The following AP2B1 variants were observed in gnomAD, a reference collection of about 807,000 sequenced individuals.
AP2B1 encodes adaptor related protein complex 2 subunit beta 1.
In AP2B1, 23 loss-of-function variants were observed where a neutral mutation model predicts 102.0. The ratio of observed to expected loss-of-function variants is 0.23; its 90% CI spans 0.16 to 0.32. The LOEUF (loss-of-function observed/expected upper bound fraction) is 0.32, where lower values mean the gene tolerates loss of function less well. AP2B1 is among the 10% of genes least tolerant of loss of function. The probability of loss-of-function intolerance (pLI) is 1.00; values close to 1 mark genes in which losing one functional copy is unlikely to be tolerated. For synonymous variants in AP2B1, 381 were observed against 421.2 expected, an observed-to-expected ratio of 0.90 and a Z score of 1.17; for missense variants, 541 against 1,157.4, an observed-to-expected ratio of 0.47 and a Z score of 7.73.
intron 9 of AP2B1, among the ~76,000 whole-genome samples, chr17:35,628,410 T>C (rs1433382536): frequency 1.3e-5 from 2 of 152,124 alleles, no homozygotes; most frequent in Non-Finnish European, 2.9e-5. Context: ...GAGACCACCC[T>C]AGGCAACATA....
In AP2B1 at chr17:35,723,743, A is replaced by G; in HGVS notation, c.*44A>G. The G allele has an allele frequency of 1.5e-6, 2 of 1,374,342 alleles. No homozygotes were observed. The highest frequency in any genetic ancestry group is 2.1e-6 in the Non-Finnish European group (2 of 963,296). 85.1% of individuals were successfully genotyped at this position (1,374,342 alleles called of 1,614,324 possible). A position where few individuals can be genotyped will look rare whatever the true frequency, so the allele number is the denominator to read the frequency against. On this transcript the variant is annotated 3_prime_UTR_variant, in exon 22 of 22. Transcript: ENST00000610402. ...CTTCAACCATGCTGTGATCGGTGCA[A>G]GTCAAGAACTCTTAACTGGAAGAAA...
intron 6 of AP2B1, among the ~76,000 whole-genome samples, chr17:35,626,391 T>C (rs1212779866): frequency 6.6e-6 from 1 of 152,078 alleles, no homozygotes; most frequent in Non-Finnish European, 1.5e-5. Context: ...ACATCCCTTA[T>C]TACTGGTTTC....
At chr17:35,654,136 A>G (rs999210205) in intron 13 of AP2B1, among the ~76,000 whole-genome samples, 20 of 151,436 alleles carry the variant, frequency 1.3e-4, no homozygotes, top group Non-Finnish European at 2.7e-4. Flanking sequence ...ACCTTGGCTC[A>G]CTGCAAGCTC....
At chr17:35,695,731 A>G (rs919007506) in intron 18 of AP2B1, among the ~76,000 whole-genome samples, 15 of 152,182 alleles carry the variant, frequency 9.9e-5, no homozygotes, top group African/African-American at 3.6e-4. Flanking sequence ...ACAGCCAGCA[A>G]TAATTTCACA....
At chr17:35,660,632 GC>G (rs2075339126) in intron 14 of AP2B1, among the ~76,000 whole-genome samples, 1 of 151,838 alleles carries the variant, frequency 6.6e-6, no homozygotes, top group African/African-American at 2.4e-5. Context: ...ACAGGTGCCC[GC>G]CACCACGCCC....
At chr17:35,614,151 GC>G (rs1376213956) in intron 5 of AP2B1, among the ~76,000 whole-genome samples, 1 of 151,952 alleles carries the variant, frequency 6.6e-6, no homozygotes, top group Non-Finnish European at 1.5e-5. Flanking sequence ...GCTCTTGACA[GC>G]CCCACCATAT....
intron 5 of AP2B1, among the ~76,000 whole-genome samples, chr17:35,623,022 T>C (rs188605488): frequency 6.6e-6 from 1 of 152,190 alleles, no homozygotes; most frequent in African/African-American, 2.4e-5. Context: ...TTCATCAGCA[T>C]CTGGGAACCT....
At chr17:35,672,006 G>A in intron 16 of AP2B1, 106 bp downstream of exon 16, 1 of 1,342,738 alleles carries the variant, frequency 7.4e-7, no homozygotes, top group Non-Finnish European at 1.0e-6. Flanking sequence ...AAAGGTTTGG[G>A]CCCTTGTTCT....
At chr17:35,644,074 C>G (rs2074858320) in intron 12 of AP2B1, among the ~76,000 whole-genome samples, 1 of 152,170 alleles carries the variant, frequency 6.6e-6, no homozygotes. Context: ...AGGCTAGAAA[C>G]TCACTTAATC....
intron 12 of AP2B1, among the ~76,000 whole-genome samples, chr17:35,648,349 C>G (rs1035156844): frequency 6.6e-6 from 1 of 152,078 alleles, no homozygotes; most frequent in Non-Finnish European, 1.5e-5. Flanking sequence ...AACCCTGTCT[C>G]TACTAAAAAT....
chr17:35,647,553 A>G (rs1444502394), intron 12 of AP2B1, among the ~76,000 whole-genome samples: 2 of 152,188 alleles, frequency 1.3e-5, no homozygotes, highest in Non-Finnish European at 2.9e-5. Context: ...GAATAATGCA[A>G]GTTATAAATG....
chr17:35,644,016 CGCTCTTTA>C (rs1189368514), intron 12 of AP2B1, among the ~76,000 whole-genome samples: 1 of 152,192 alleles, frequency 6.6e-6, no homozygotes, highest in Non-Finnish European at 1.5e-5. Context: ...GTTTAATTAA[CGCTCTTTA>C]GCCTTAGATG....
At chr17:35,683,785 T>C (rs974566454) in intron 18 of AP2B1, among the ~76,000 whole-genome samples, 2 of 152,194 alleles carry the variant, frequency 1.3e-5, no homozygotes, top group Non-Finnish European at 2.9e-5. Context: ...GAAGAAAGCC[T>C]TGGGCCACCC....
At chr17:35,601,151 T>C in intron 3 of AP2B1, 1 of 199,728 alleles carries the variant, frequency 5.0e-6, no homozygotes, top group Non-Finnish European at 9.0e-6. Flanking sequence ...AGGTAGGTAC[T>C]TACATAACAA....
chr17:35,631,477 A>G (rs1031185664), intron 9 of AP2B1, among the ~76,000 whole-genome samples: 9 of 152,076 alleles, frequency 5.9e-5, no homozygotes, highest in African/African-American at 1.9e-4. Context: ...ATCATTGTTT[A>G]TATAGTGTTC....
chr17:35,682,806 A>G lies in AP2B1; in HGVS notation c.2436A>G (p.Glu812=). 1 of 1,611,614 alleles carries G rather than the reference A, an allele frequency of 6.2e-7. No individual in the cohort carries two copies. The highest frequency in any genetic ancestry group is 2.2e-5 in the East Asian group (1 of 44,756). ...LNTLGPVMKM[E]PLNNLQVAVK... is the part of the protein sequence containing the mutation. ...CCTTGGGCCCAGTCATGAAGATGGA[A>G]CCTCTGAATAACCTCCAGGTCAGAG... Residue 812 remains glutamate, a synonymous_variant, in exon 18 of 22, where the codon GAA becomes GAG. Coordinates refer to ENST00000610402, the MANE Select transcript of AP2B1 (RefSeq NM_001030006.2).
At chr17:35,652,893 A>T (rs1359905108) in intron 13 of AP2B1, among the ~76,000 whole-genome samples, 1 of 152,180 alleles carries the variant, frequency 6.6e-6, no homozygotes, top group Admixed American at 6.5e-5. Context: ...ATGTGTAGAG[A>T]ATACTCTGTG....
chr17:35,637,932 C>G (rs183501329), intron 10 of AP2B1, among the ~76,000 whole-genome samples: 23 of 152,228 alleles, frequency 1.5e-4, no homozygotes, highest in African/African-American at 5.5e-4. Context: ...TGATCCCCCC[C>G]ACCTCGCCCT....
rs143749869 is a variant in AP2B1, at chr17:35,637,764, C to T, written c.1271+1308C>T. Among the ~76,000 whole-genome samples the T allele has an allele frequency of 2.2e-3, 335 of 150,982 alleles. 1 individual carries two copies. The highest frequency in any genetic ancestry group is 8.0e-3 in the African/African-American group (327 of 41,042). On this transcript the variant is annotated intron_variant, in intron 10 of 21. Transcript: ENST00000610402. ...GCAGTAGCGTGATCTCAGCTCACTG[C>T]AACCTCTGCCTCCCGGGTTCAAACA...
Sources: allele counts gnomAD v4.1 joint callset (sites outside exome capture counted in the v4.1 genomes callset), GRCh38; gene constraint gnomAD v4.1.1; transcripts MANE v1.5; gene names NCBI Gene and HGNC (gene_info 2026-07-23, HGNC 2026-07-21).